The following SLC13A1 variants were observed in gnomAD, a reference collection of about 807,000 sequenced individuals.
SLC13A1 encodes Na(+)/sulfate cotransporter.
In SLC13A1, 65 loss-of-function variants were observed where a neutral mutation model predicts 70.0. That is an observed-to-expected ratio of 0.93 (90% CI 0.76 to 1.14). The LOEUF (loss-of-function observed/expected upper bound fraction) is 1.14. Ranked by LOEUF, SLC13A1 falls within the 50% of genes most tolerant of loss-of-function variation. SLC13A1 has a pLI of 0.00. For missense variants in SLC13A1, 726 were observed against 717.8 expected, an observed-to-expected ratio of 1.01 and a Z score of -0.13; for synonymous variants, 275 against 250.5, an observed-to-expected ratio of 1.10 and a Z score of -0.92.
chr7:123,147,399 A>T, intron 6 of SLC13A1, 89 bp from the exon 7 acceptor site: 1 of 1,430,180 alleles, frequency 7.0e-7, no homozygotes, highest in Non-Finnish European at 9.5e-7. Flanking sequence ...GCACCAATTC[A>T]TATGTTGAAA....
At chr7:123,177,499 T>C (rs1379643622) in intron 2 of SLC13A1, among the ~76,000 whole-genome samples, 1 of 152,166 alleles carries the variant, frequency 6.6e-6, no homozygotes, top group African/African-American at 2.4e-5. Context: ...AATGTTAAAA[T>C]CTTGCAATGG....
In SLC13A1 at chr7:123,166,885, A is replaced by G. The variant is rs187099849; in HGVS notation, c.660+1489T>C. On this transcript the variant is annotated intron_variant, in intron 6 of 14. Coordinates refer to ENST00000194130, the MANE Select transcript of SLC13A1 (RefSeq NM_022444.4). ...ATCCCCATCAAAAAGTGGGCGAAGGATATGAACAGACACTTCTCAAAAGAA... is the reference window on the plus strand; with the variant it reads ...ATCCCCATCAAAAAGTGGGCGAAGGGTATGAACAGACACTTCTCAAAAGAA... Among the ~76,000 whole-genome samples, 4 of 152,352 alleles carry G rather than the reference A, an allele frequency of 2.6e-5. 1 individual carries two copies. The East Asian group carries it at 7.7e-4, about 29-fold the overall frequency.
chr7:123,144,253 A>C (rs985861718), intron 7 of SLC13A1, among the ~76,000 whole-genome samples: 2 of 152,142 alleles, frequency 1.3e-5, no homozygotes, highest in Non-Finnish European at 2.9e-5. Flanking sequence ...GAGATAAAAA[A>C]TTGGTAGTTA....
At chr7:123,156,528 G>A (rs750731513) in intron 6 of SLC13A1, among the ~76,000 whole-genome samples, 18 of 152,142 alleles carry the variant, frequency 1.2e-4, no homozygotes, top group Non-Finnish European at 2.2e-4. Flanking sequence ...AATTGAGACA[G>A]TGGGAACCTG....
At chr7:123,156,163 T>G (rs754738110) in intron 6 of SLC13A1, among the ~76,000 whole-genome samples, 9 of 152,130 alleles carry the variant, frequency 5.9e-5, no homozygotes, top group Non-Finnish European at 1.0e-4. Context: ...TCAGCTTCCA[T>G]GGGATTACTG....
rs757657736 is a variant in SLC13A1 at position 123,169,267 on chromosome 7, G to A, written c.434C>T (p.Ala145Val). 6.2e-7 allele frequency: 1 copy of A among 1,613,968 alleles called. No homozygotes were observed. The highest frequency in any genetic ancestry group is 8.5e-7 in the Non-Finnish European group (1 of 1,179,992). The change falls in exon 4 of 15, where the codon GCC becomes GTC. Residue 145 changes from alanine (A) to valine (V), a missense_variant. Physicochemically the swap from Ala to Val is moderately conservative, Grantham distance 64. Transcript: ENST00000194130. ...AGCCTCCGCAATGGGCATCACCATG[G>A]CAGCCGTCGAGGTGTTGCTGAGCCA... The part of the protein sequence containing the change: ...SMWLSNTSTA[A>V]MVMPIAEAVV...
chr7:123,159,123 G>A (rs895169406), intron 6 of SLC13A1, among the ~76,000 whole-genome samples: 1 of 152,012 alleles, frequency 6.6e-6, no homozygotes. Context: ...AATAGAAAGC[G>A]ATGGTCTAAG....
At chr7:123,160,147 T>G (rs1794840442) in intron 6 of SLC13A1, among the ~76,000 whole-genome samples, 1 of 151,626 alleles carries the variant, frequency 6.6e-6, no homozygotes, top group African/African-American at 2.4e-5. Flanking sequence ...GCTGGGCACC[T>G]GTAATCCCAG....
chr7:123,193,116 A>G (rs1187172670), intron 1 of SLC13A1, among the ~76,000 whole-genome samples: 1 of 152,136 alleles, frequency 6.6e-6, no homozygotes, highest in Admixed American at 6.6e-5. Context: ...ACCTGACTAC[A>G]CATTTGGTTA....
chr7:123,146,475 A>G (rs1007102474), intron 7 of SLC13A1, among the ~76,000 whole-genome samples: 1 of 152,202 alleles, frequency 6.6e-6, no homozygotes, highest in Admixed American at 6.5e-5. Context: ...AGATCGCACC[A>G]CTGTCCTCCA....
At chr7:123,127,662 C>T (rs1371187350) in intron 10 of SLC13A1, among the ~76,000 whole-genome samples, 3 of 151,796 alleles carry the variant, frequency 2.0e-5, no homozygotes, top group African/African-American at 4.8e-5. Context: ...TAAAACACAC[C>T]ACCATATTGA....
At chr7:123,171,584 T>G (rs1372837466) in intron 3 of SLC13A1, among the ~76,000 whole-genome samples, 184 bp downstream of exon 3, 1 of 152,132 alleles carries the variant, frequency 6.6e-6, no homozygotes, top group Admixed American at 6.6e-5. Flanking sequence ...TGAAAGTTGT[T>G]TTTTTTTCCT....
At chr7:123,178,741 T>C (rs1795541810) in intron 2 of SLC13A1, among the ~76,000 whole-genome samples, 1 of 152,112 alleles carries the variant, frequency 6.6e-6, no homozygotes, top group Admixed American at 6.6e-5. Context: ...AACAGTTTTC[T>C]CCACTAAAAG....
At chr7:123,116,876 C>A (rs1327558848) in intron 14 of SLC13A1, among the ~76,000 whole-genome samples, 1 of 152,132 alleles carries the variant, frequency 6.6e-6, no homozygotes, top group African/African-American at 2.4e-5. Flanking sequence ...TATTCTCAAG[C>A]CAGTTCTTAT....
chr7:123,128,703 G>A, intron 10 of SLC13A1, 142 bp downstream of exon 10: 1 of 618,028 alleles, frequency 1.6e-6, no homozygotes, highest in Non-Finnish European at 2.8e-6. Flanking sequence ...TTTTTTTCCT[G>A]AAAAGATTAG....
chr7:123,186,557 C>A, intron 1 of SLC13A1: 1 of 270,130 alleles, frequency 3.7e-6, no homozygotes, highest in Non-Finnish European at 7.6e-6. Flanking sequence ...AGAAATAAAA[C>A]CACCACAAAT....
chr7:123,143,028 G>T (rs1794213374), intron 7 of SLC13A1, among the ~76,000 whole-genome samples: 1 of 152,112 alleles, frequency 6.6e-6, no homozygotes, highest in Non-Finnish European at 1.5e-5. Context: ...TCGTCCTAAA[G>T]CTAGAGCCTG....
At chr7:123,121,384 T>C (rs1038548732) in intron 12 of SLC13A1, among the ~76,000 whole-genome samples, 1 of 152,136 alleles carries the variant, frequency 6.6e-6, no homozygotes, top group Non-Finnish European at 1.5e-5. Context: ...TGCCAGCCTA[T>C]ATGTTTCATA....
At chr7:123,183,964 G>T (rs1164005269) in intron 1 of SLC13A1, among the ~76,000 whole-genome samples, 2 of 151,454 alleles carry the variant, frequency 1.3e-5, no homozygotes, top group Non-Finnish European at 3.0e-5. Context: ...TTTCCTAGGA[G>T]TCCCAGTGGA....
Sources: gnomAD v4.1 joint callset for allele counts (sites outside exome capture counted in the v4.1 genomes callset) on GRCh38, gnomAD v4.1.1 for gene constraint, MANE v1.5 for transcripts, NCBI Gene and HGNC (gene_info 2026-07-23, HGNC 2026-07-21) for gene names.